PEAK1: variants seen among roughly 807,000 people sequenced by gnomAD.
The protein encoded by PEAK1 is inactive tyrosine-protein kinase PEAK1.
In PEAK1, 54 loss-of-function variants were observed where a neutral mutation model predicts 124.7. That is an observed-to-expected ratio of 0.43 (90% CI 0.35 to 0.54). PEAK1 has a LOEUF of 0.54. Among genes scored for constraint, PEAK1 ranks in the 20% least tolerant of loss-of-function variants. The probability of loss-of-function intolerance (pLI) is 0.01; values close to 1 mark genes in which losing one functional copy is unlikely to be tolerated. For synonymous variants in PEAK1, 719 were observed against 760.0 expected (o/e 0.95, Z 0.89); for missense variants, 2,046 against 2,134.5 (o/e 0.96, Z 0.82).
intron 9 of PEAK1, among the ~76,000 whole-genome samples, chr15:77,119,348 G>C (rs1051873925): frequency 6.6e-6 from 1 of 152,250 alleles, no homozygotes; most frequent in African/African-American, 2.4e-5. Flanking sequence ...ACAGAGGCTT[G>C]AAGGGAAACT....
chr15:77,356,762 A>C (rs952624443), intron 2 of PEAK1, among the ~76,000 whole-genome samples: 1 of 152,268 alleles, frequency 6.6e-6, no homozygotes, highest in African/African-American at 2.4e-5. Flanking sequence ...ATTAAGGCAC[A>C]GAATTAAGGC....
intron 1 of PEAK1, among the ~76,000 whole-genome samples, chr15:77,393,684 C>T (rs919929097): frequency 1.6e-4 from 24 of 152,178 alleles, no homozygotes; most frequent in Non-Finnish European, 3.5e-4. Context: ...CATGACCTAA[C>T]ACCTCATACA....
chr15:77,308,814 CAAT>C (rs2064256663), intron 2 of PEAK1, among the ~76,000 whole-genome samples: 1 of 151,846 alleles, frequency 6.6e-6, no homozygotes, highest in Admixed American at 6.6e-5. Flanking sequence ...ACAAATGTTA[CAAT>C]GAGGGAGAAG....
intron 2 of PEAK1, chr15:77,335,991 C>T (rs2066175762): frequency 3.0e-6 from 3 of 985,166 alleles, no homozygotes; most frequent in African/African-American, 1.7e-5. Flanking sequence ...AGTAGGACTC[C>T]AAATGGTCAG....
intron 6 of PEAK1, among the ~76,000 whole-genome samples, chr15:77,214,275 T>C (rs1420058642): frequency 1.3e-5 from 2 of 151,998 alleles, no homozygotes; most frequent in African/African-American, 4.8e-5. Context: ...TATCAGTCCA[T>C]TCCTATACCT....
At chr15:77,386,470 G>C (rs946589745) in intron 1 of PEAK1, among the ~76,000 whole-genome samples, 1 of 152,090 alleles carries the variant, frequency 6.6e-6, no homozygotes, top group African/African-American at 2.4e-5. Flanking sequence ...TTCAATATCT[G>C]TTTAGGTCAC....
rs187877593 is a variant in PEAK1, at chr15:77,256,972, C to T, written c.-274-4446G>A. Among the ~76,000 whole-genome samples the T allele has an allele frequency of 4.0e-3, 595 of 148,058 alleles. 2 individuals are homozygous for T. Among genetic ancestry groups the T allele is most frequent in the African/African-American group, 0.012 (476 of 40,546 alleles). ...ATTCCCACCTATGAGTGAGAACATG[C>T]GGTGTTTGGTTTTTTGTCCTTGCGA... On this transcript the variant is annotated intron_variant, in intron 5 of 9. Coordinates refer to ENST00000682557, the MANE Select transcript of PEAK1 (RefSeq NM_001385026.1).
chr15:77,392,959 G>T (rs2070598877), intron 1 of PEAK1, among the ~76,000 whole-genome samples: 1 of 152,196 alleles, frequency 6.6e-6, no homozygotes, highest in Admixed American at 6.5e-5. Context: ...CTGTGCACTT[G>T]CGGGGAAAGA....
chr15:77,283,551 T>C (rs1316839003), intron 5 of PEAK1, among the ~76,000 whole-genome samples: 1 of 152,152 alleles, frequency 6.6e-6, no homozygotes, highest in Non-Finnish European at 1.5e-5. Context: ...GTTACACAGT[T>C]GTAGCTCTAC....
At chr15:77,125,591 T>C (rs1175617041) in intron 9 of PEAK1, among the ~76,000 whole-genome samples, 1 of 152,156 alleles carries the variant, frequency 6.6e-6, no homozygotes, top group Non-Finnish European at 1.5e-5. Flanking sequence ...TTTTTTCCAT[T>C]TTACAGATAA....
intron 1 of PEAK1, among the ~76,000 whole-genome samples, chr15:77,369,616 T>G (rs953950264): frequency 3.3e-5 from 5 of 152,170 alleles, no homozygotes; most frequent in African/African-American, 1.2e-4. Flanking sequence ...GGTAGTATAT[T>G]GCCACAAAGT....
At chr15:77,144,334 G>C (rs1014557274) in intron 8 of PEAK1, among the ~76,000 whole-genome samples, 7 of 152,122 alleles carry the variant, frequency 4.6e-5, no homozygotes, top group Admixed American at 4.6e-4. Flanking sequence ...CCTTGGCCTA[G>C]CTCAAATGGC....
intron 2 of PEAK1, among the ~76,000 whole-genome samples, chr15:77,330,407 A>G (rs2065824686): frequency 6.6e-6 from 1 of 152,152 alleles, no homozygotes; most frequent in Admixed American, 6.5e-5. Context: ...ATCTTTTAAA[A>G]TATCAGTCAT....
chr15:77,255,264 G>T, intron 5 of PEAK1: 1 of 668,472 alleles, frequency 1.5e-6, no homozygotes, highest in Non-Finnish European at 1.9e-6. Flanking sequence ...ATTTATTCCT[G>T]TGTAATAACA....
intron 6 of PEAK1, among the ~76,000 whole-genome samples, chr15:77,220,343 G>A (rs1431587667): frequency 2.0e-5 from 3 of 151,892 alleles, no homozygotes; most frequent in Non-Finnish European, 2.9e-5. Context: ...AAAATTAAAT[G>A]TCTTTTAAAA....
chr15:77,413,482 C>T (rs2072580907), intron 1 of PEAK1, among the ~76,000 whole-genome samples: 1 of 152,096 alleles, frequency 6.6e-6, no homozygotes. Flanking sequence ...CAGTACTCTC[C>T]CCCAAAATCC....
At chr15:77,325,407 C>CAATAAATAAATAAATA (rs140910763) in intron 2 of PEAK1, among the ~76,000 whole-genome samples, 3 of 144,176 alleles carry the variant, frequency 2.1e-5, no homozygotes, top group East Asian at 2.1e-4. Flanking sequence ...GATCCCATCT[C>CAATAAATAAATAAATA]AATAAATAAA....
At chr15:77,152,950 G>C (rs1431400824) in intron 8 of PEAK1, among the ~76,000 whole-genome samples, 11 of 152,028 alleles carry the variant, frequency 7.2e-5, no homozygotes, top group Admixed American at 1.3e-4. Flanking sequence ...CTAAAATTCT[G>C]TTTTTTGGTT....
intron 6 of PEAK1, among the ~76,000 whole-genome samples, chr15:77,240,754 G>C (rs1354169532): frequency 6.6e-6 from 1 of 152,060 alleles, no homozygotes; most frequent in Non-Finnish European, 1.5e-5. Context: ...TAAACCTTAA[G>C]AGGGCCCAAC....
Sources: allele counts gnomAD v4.1 joint callset (sites outside exome capture counted in the v4.1 genomes callset), GRCh38; gene constraint gnomAD v4.1.1; transcripts MANE v1.5; gene names NCBI Gene and HGNC (gene_info 2026-07-23, HGNC 2026-07-21).